MYOM1: variants seen among roughly 807,000 people sequenced by gnomAD.
MYOM1 encodes myomesin 1.
Under a neutral mutation model 205.3 loss-of-function variants are expected in MYOM1, and 164 were observed. The observed-to-expected ratio is 0.80, with a 90% CI of 0.70 to 0.91. The LOEUF (loss-of-function observed/expected upper bound fraction) is 0.91, where lower values mean the gene tolerates loss of function less well. Ranked by LOEUF, MYOM1 falls within the 40% of genes least tolerant of loss-of-function variation. MYOM1 has a pLI of 0.00. For missense variants in MYOM1, 2,011 were observed against 2,127.3 expected, an observed-to-expected ratio of 0.95 and a Z score of 1.08; for synonymous variants, 772 against 789.4, an observed-to-expected ratio of 0.98 and a Z score of 0.37.
chr18:3,133,665 G>A (rs1037795347), intron 16 of MYOM1, among the ~76,000 whole-genome samples: 22 of 151,882 alleles, frequency 1.4e-4, no homozygotes, highest in Admixed American at 5.9e-4. Context: ...CTAATATCAC[G>A]TTGCATATTA....
chr18:3,193,457 G>A (rs2080948233), intron 3 of MYOM1, among the ~76,000 whole-genome samples: 1 of 151,446 alleles, frequency 6.6e-6, no homozygotes, highest in Admixed American at 6.6e-5. Flanking sequence ...CCAATCACAA[G>A]CATCCCAGGA....
chr18:3,100,330 T>C lies in MYOM1; in HGVS notation c.3672A>G (p.Ile1224Met). The change falls in exon 24 of 38, where the codon ATA becomes ATG. Residue 1224 changes from isoleucine (I) to methionine (M), a missense_variant. Transcript: ENST00000356443. ...TGATTTTAAACTTACCTTCCTCATC[T>C]ATTAAGTAGCTTGATGCTATTCCAT... ...DTDGIASSYL[I>M]DEEELKRLLA... 6.2e-7 allele frequency: 1 copy of C among 1,613,808 alleles called. No individual in the cohort carries two copies. The highest frequency in any genetic ancestry group is 1.1e-5 in the South Asian group (1 of 91,068).
At chr18:3,183,995 T>C (rs151060081) in intron 5 of MYOM1, among the ~76,000 whole-genome samples, 2,563 of 152,120 alleles carry the variant, frequency 0.017, 64 homozygotes, top group African/African-American at 0.059. Flanking sequence ...AACCTCTGCT[T>C]CCTGGATTCA....
At position 3,176,103 on chromosome 18, in the gene MYOM1, C is replaced by T; in HGVS notation, c.961G>A (p.Ala321Thr). The T allele has an allele frequency of 6.2e-7, 1 of 1,609,032 alleles. No individual in the cohort carries two copies. The highest frequency in any genetic ancestry group is 8.5e-7 in the Non-Finnish European group (1 of 1,175,484). ...YKNQVPINVH[A>T]NPGKYIIESR... ...TCAATAATATACTTTCCAGGGTTTG[C>T]ATGGACATTTATTGGCACCTGGTTT... Residue 321 changes from alanine to threonine, a missense_variant, in exon 6 of 38, where the codon GCA becomes ACA. Coordinates refer to ENST00000356443, the MANE Select transcript of MYOM1 (RefSeq NM_003803.4).
At chr18:3,160,213 G>C (rs1247225183) in intron 10 of MYOM1, among the ~76,000 whole-genome samples, 1 of 148,090 alleles carries the variant, frequency 6.8e-6, no homozygotes, top group African/African-American at 2.5e-5. Context: ...TTTGAGACAG[G>C]GTCTCGTTCT....
chr18:3,090,763 C>T lies in MYOM1; in HGVS notation c.3904G>A (p.Glu1302Lys), dbSNP rs370699565. 174 of 1,613,732 alleles carry T rather than the reference C, an allele frequency of 1.1e-4. 1 individual carries two copies. Among genetic ancestry groups the T allele is most frequent in the African/African-American group, 6.7e-4 (50 of 74,878 alleles). Residue 1302 changes from glutamate to lysine, a missense_variant, in exon 27 of 38, where the codon GAA (glutamate) becomes AAA (lysine). Physicochemically the swap from Glu to Lys is moderately conservative, Grantham distance 56. Transcript: ENST00000356443. ...MHIDRNTGII[E>K]MFMEKLQDED... The stretch of plus-strand genomic sequence containing the variant: ...TCCTGTAGCTTTTCCATGAACATTT[C>T]GATGATGCCAGTGTTTCGGTCAATA...
intron 13 of MYOM1, among the ~76,000 whole-genome samples, chr18:3,145,152 T>C (rs1273423249): frequency 1.3e-5 from 2 of 151,932 alleles, no homozygotes; most frequent in Admixed American, 1.3e-4. Flanking sequence ...CTACTAAAAA[T>C]ACAAAAATTA....
At chr18:3,124,675 G>T (rs180843944) in intron 19 of MYOM1, among the ~76,000 whole-genome samples, 1 of 152,150 alleles carries the variant, frequency 6.6e-6, no homozygotes, top group African/African-American at 2.4e-5. Context: ...TCTCTGTGGG[G>T]GGGGGTTAAT....
the MYOM1 span, among the ~76,000 whole-genome samples, chr18:3,229,841 T>A: frequency 1.3e-5 from 2 of 151,920 alleles, no homozygotes; most frequent in Non-Finnish European, 2.9e-5. Flanking sequence ...TGGTGGTGCA[T>A]GCCTGTAATC....
chr18:3,164,344 G>C lies in MYOM1; in HGVS notation c.1435C>G (p.Leu479Val). The change falls in exon 10 of 38, where the codon CTC becomes GTC. Residue 479 changes from leucine (L) to valine (V), a missense_variant. Physicochemically the swap from Leu to Val is conservative, Grantham distance 32. Coordinates refer to ENST00000356443, the MANE Select transcript of MYOM1 (RefSeq NM_003803.4). Reference protein sequence around the residue: ...FSHLNKEDEGLYTIRVRMGEY... With the variant: ...FSHLNKEDEGVYTIRVRMGEY... ...CCCATCCGTACACGGATTGTATAGA[G>C]GCCTTCATCTTCTTTGTTGAGATGG... The C allele has an allele frequency of 6.2e-7, 1 of 1,612,448 alleles. No individual in the cohort carries two copies. Among genetic ancestry groups the C allele is most frequent in the Non-Finnish European group, 8.5e-7 (1 of 1,179,210 alleles).
Position 3,083,975 on chromosome 18 carries a change from AATG to A in MYOM1, c.4378+11_4378+13del, listed in dbSNP as rs1239364091. 1.3e-5 allele frequency: 20 copies of A among 1,587,950 alleles called. No individual in the cohort carries two copies. The highest frequency in any genetic ancestry group is 1.6e-5 in the Non-Finnish European group (19 of 1,165,630). The stretch of plus-strand genomic sequence containing the variant: ...ATCATAAAGCATTGTTGTGGTGCGA[AATG>A]TTTGACTCACCTATTTTTTTGCATA... On this transcript the variant is annotated intron_variant, in intron 32 of 37. Coordinates refer to ENST00000356443, the MANE Select transcript of MYOM1 (RefSeq NM_003803.4).
chr18:3,169,703 C>T (rs182081019), intron 8 of MYOM1, among the ~76,000 whole-genome samples: 46 of 152,184 alleles, frequency 3.0e-4, no homozygotes, highest in African/African-American at 1.1e-3. Context: ...TTGGTGGGAA[C>T]GTAAATTAGT....
the MYOM1 span, among the ~76,000 whole-genome samples, chr18:3,242,630 TC>T: frequency 6.6e-6 from 1 of 152,150 alleles, no homozygotes; most frequent in African/African-American, 2.4e-5. Flanking sequence ...AACCTCAGCC[TC>T]CCGAGTAGCT....
chr18:3,173,371 GT>G (rs1454962555), intron 8 of MYOM1, among the ~76,000 whole-genome samples: 1 of 152,180 alleles, frequency 6.6e-6, no homozygotes, highest in African/African-American at 2.4e-5. Context: ...TCATGGACCA[GT>G]GAGAGAGACT....
At chr18:3,098,064 T>A (rs1356990137) in intron 25 of MYOM1, among the ~76,000 whole-genome samples, 1 of 152,200 alleles carries the variant, frequency 6.6e-6, no homozygotes, top group East Asian at 1.9e-4. Flanking sequence ...ATTATCTGAC[T>A]AGATTAGTAG....
chr18:3,095,296 T>C (rs991582673), intron 25 of MYOM1, among the ~76,000 whole-genome samples: 1 of 151,990 alleles, frequency 6.6e-6, no homozygotes, highest in Admixed American at 6.6e-5. Flanking sequence ...AGGCCGGGCA[T>C]GGTGGCTCAC....
intron 2 of MYOM1, among the ~76,000 whole-genome samples, chr18:3,198,947 C>T (rs1241156381): frequency 6.6e-6 from 1 of 152,148 alleles, no homozygotes; most frequent in Non-Finnish European, 1.5e-5. Context: ...CTCAGTTCCT[C>T]TCCCCAAAGC....
chr18:3,122,217 A>C lies in MYOM1; in HGVS notation c.2992-2222T>G, dbSNP rs574813272. 1.0e-3 allele frequency among the ~76,000 whole-genome samples: 154 copies of C among 152,134 alleles called. 1 individual carries two copies. The highest frequency in any genetic ancestry group is 3.6e-3 in the African/African-American group (149 of 41,500). ...TTTTAAGTAATCAGTAATAGCAAAC[A>C]AATGACAAAGACTGTCAGGGAGGAA... On this transcript the variant is annotated intron_variant, in intron 19 of 37. Coordinates refer to ENST00000356443, the MANE Select transcript of MYOM1 (RefSeq NM_003803.4).
chr18:3,182,159 A>T (rs544252407), intron 5 of MYOM1, among the ~76,000 whole-genome samples: 48 of 152,322 alleles, frequency 3.2e-4, no homozygotes, highest in African/African-American at 1.1e-3. Context: ...TGATACCAAC[A>T]CATTGCTCCA....
Sources: gnomAD v4.1 joint callset for allele counts (sites outside exome capture counted in the v4.1 genomes callset) on GRCh38, gnomAD v4.1.1 for gene constraint, MANE v1.5 for transcripts, NCBI Gene and HGNC (gene_info 2026-07-23, HGNC 2026-07-21) for gene names.